ASTN2: variants seen among roughly 807,000 people sequenced by gnomAD.
The protein encoded by ASTN2 is astrotactin-2.
A neutral mutation model predicts 139.8 loss-of-function variants in ASTN2; 54 were observed. The ratio of observed to expected loss-of-function variants is 0.39; its 90% CI spans 0.31 to 0.48. ASTN2 has a LOEUF of 0.48. ASTN2 is among the 20% of genes least tolerant of loss of function. The pLI is 0.95. For missense variants in ASTN2, 1,565 were observed against 1,725.1 expected (o/e 0.91, Z 1.64); for synonymous variants, 756 against 719.5 (o/e 1.05, Z -0.81).
chr9:117,130,562 G>A (rs1008616074), intron 4 of ASTN2, among the ~76,000 whole-genome samples: 1 of 152,092 alleles, frequency 6.6e-6, no homozygotes, highest in African/African-American at 2.4e-5. Flanking sequence ...AGCCCGGGGG[G>A]CTTCCTTTCT....
At chr9:117,293,661 C>T (rs1285401935) in intron 1 of ASTN2, among the ~76,000 whole-genome samples, 1 of 152,158 alleles carries the variant, frequency 6.6e-6, no homozygotes, top group Non-Finnish European at 1.5e-5. Flanking sequence ...CTGGGGTGAT[C>T]TGCTGCCCCA....
intron 2 of ASTN2, among the ~76,000 whole-genome samples, chr9:117,222,536 C>T (rs915956764): frequency 2.6e-5 from 4 of 152,176 alleles, no homozygotes; most frequent in African/African-American, 7.2e-5. Context: ...ACCATGATGG[C>T]ACTGTGGCTG....
intron 12 of ASTN2, among the ~76,000 whole-genome samples, chr9:116,816,075 G>A (rs1831319664): frequency 6.6e-6 from 1 of 151,994 alleles, no homozygotes; most frequent in South Asian, 2.1e-4. Flanking sequence ...CTTTCATTTT[G>A]AGCTTCTGAA....
At chr9:116,908,291 T>C (rs921028276) in intron 10 of ASTN2, among the ~76,000 whole-genome samples, 1 of 152,226 alleles carries the variant, frequency 6.6e-6, no homozygotes, top group African/African-American at 2.4e-5. Flanking sequence ...TTGTTTGCTC[T>C]GTAAGCCCAA....
At position 116,587,428 on chromosome 9, in the gene ASTN2, G is replaced by T. The variant is rs143433174; in HGVS notation, c.3355+30896C>A. 3.9e-4 allele frequency among the ~76,000 whole-genome samples: 59 copies of T among 152,016 alleles called. No homozygotes were observed. In the East Asian group the frequency reaches 0.01, roughly 26 times the overall value. Reference sequence around the variant, plus strand: ...TATGAGAGACCCATTCTTTGATGTGGAGGGTTACCAAGAAGGATCTTGGTA... The same window carrying T: ...TATGAGAGACCCATTCTTTGATGTGTAGGGTTACCAAGAAGGATCTTGGTA... On this transcript the variant is annotated intron_variant, in intron 19 of 22. Coordinates refer to ENST00000313400, the MANE Select transcript of ASTN2 (RefSeq NM_001365068.1).
At position 116,782,838 on chromosome 9, in the gene ASTN2, T is replaced by C. The variant is rs146283956; in HGVS notation, c.2396+22794A>G. ...CATCTCAGCTTAGACATTAATTTCA[T>C]CTACCTGGAGTCCTACACCCCATGT... On this transcript the variant is annotated intron_variant, in intron 13 of 22. Coordinates refer to ENST00000313400, the MANE Select transcript of ASTN2 (RefSeq NM_001365068.1). Among the ~76,000 whole-genome samples the C allele has an allele frequency of 1.7e-3, 266 of 152,290 alleles. 2 individuals carry two copies. Among genetic ancestry groups the C allele is most frequent in the African/African-American group, 3.5e-3 (145 of 41,558 alleles).
chr9:116,794,501 T>C (rs1342288244), intron 13 of ASTN2, among the ~76,000 whole-genome samples: 1 of 152,184 alleles, frequency 6.6e-6, no homozygotes, highest in Non-Finnish European at 1.5e-5. Flanking sequence ...TGGATGAGCT[T>C]GGTTTAGACC....
intron 11 of ASTN2, among the ~76,000 whole-genome samples, chr9:116,837,835 T>C (rs1300559797): frequency 6.6e-6 from 1 of 152,162 alleles, no homozygotes; most frequent in African/African-American, 2.4e-5. Flanking sequence ...GACATCAGTG[T>C]GGCAATTTCA....
intron 10 of ASTN2, among the ~76,000 whole-genome samples, chr9:116,882,090 C>G (rs1008511824): frequency 3.3e-5 from 5 of 152,160 alleles, no homozygotes; most frequent in Admixed American, 2.6e-4. Context: ...TCCACCCATC[C>G]ATTCATCACT....
intron 19 of ASTN2, among the ~76,000 whole-genome samples, chr9:116,608,711 T>C (rs1174032155): frequency 1.3e-5 from 2 of 152,142 alleles, no homozygotes; most frequent in Non-Finnish European, 1.5e-5. Context: ...AGAATCGCAA[T>C]GTCTGGCATC....
chr9:116,450,968 A>C (rs1161888971), intron 20 of ASTN2, among the ~76,000 whole-genome samples: 6 of 152,170 alleles, frequency 3.9e-5, no homozygotes, highest in Non-Finnish European at 5.9e-5. Flanking sequence ...GCTTAGAACA[A>C]AGGTAAAGCA....
At position 116,670,499 on chromosome 9, in the gene ASTN2, T is replaced by C. The variant is rs1463236646; in HGVS notation, c.2807-18706A>G. ...AAAAGCAATAACATTTTCCTATTCT[T>C]CAAAATAAAACAGAAGAATAGATAA... is the stretch of plus-strand genomic sequence containing the variant. On this transcript the variant is annotated intron_variant, in intron 16 of 22. Coordinates refer to ENST00000313400, the MANE Select transcript of ASTN2 (RefSeq NM_001365068.1). Among the ~76,000 whole-genome samples the C allele has an allele frequency of 2.6e-5, 4 of 152,094 alleles. No homozygotes were observed. In the East Asian group the frequency reaches 7.7e-4, roughly 29 times the overall value.
intron 1 of ASTN2, among the ~76,000 whole-genome samples, chr9:117,349,523 C>A (rs994722590): frequency 1.3e-5 from 2 of 152,022 alleles, no homozygotes; most frequent in African/African-American, 4.8e-5. Flanking sequence ...GAGAGGAACA[C>A]AAAGGTTCAG....
intron 7 of ASTN2, among the ~76,000 whole-genome samples, chr9:116,993,876 A>ATATATATATTTTT (rs1030120382): frequency 7.7e-5 from 11 of 142,050 alleles, no homozygotes; most frequent in Admixed American, 1.4e-4. Flanking sequence ...ATATATATAT[A>ATATATATATTTTT]TTTTAACTAT....
intron 10 of ASTN2, among the ~76,000 whole-genome samples, chr9:116,891,451 C>T (rs1341123929): frequency 6.6e-6 from 1 of 152,208 alleles, no homozygotes; most frequent in Non-Finnish European, 1.5e-5. Flanking sequence ...AAGCAGTGAG[C>T]TAGGCACTTA....
intron 19 of ASTN2, among the ~76,000 whole-genome samples, chr9:116,522,407 C>A (rs183233301): frequency 6.6e-6 from 1 of 152,064 alleles, no homozygotes; most frequent in African/African-American, 2.4e-5. Context: ...GGTGAAGTAA[C>A]TCAGGAATAG....
chr9:117,024,893 T>C (rs1588490790), intron 6 of ASTN2, among the ~76,000 whole-genome samples: 1 of 148,462 alleles, frequency 6.7e-6, no homozygotes, highest in East Asian at 1.9e-4. Flanking sequence ...ACTGTTCTCA[T>C]GGTAGTGAAT....
At chr9:116,975,959 G>A (rs188198604) in intron 9 of ASTN2, among the ~76,000 whole-genome samples, 155 bp downstream of exon 9, 64 of 152,264 alleles carry the variant, frequency 4.2e-4, no homozygotes, top group African/African-American at 1.4e-3. Context: ...AGCAACCTGC[G>A]CCATGATGGT....
At chr9:117,240,000 G>C (rs1465086977) in intron 2 of ASTN2, among the ~76,000 whole-genome samples, 1 of 152,142 alleles carries the variant, frequency 6.6e-6, no homozygotes, top group Non-Finnish European at 1.5e-5. Flanking sequence ...CCCATTTTAT[G>C]TCAAAAACAT....
Sources: allele counts gnomAD v4.1 joint callset (sites outside exome capture counted in the v4.1 genomes callset), GRCh38; gene constraint gnomAD v4.1.1; transcripts MANE v1.5; gene names NCBI Gene and HGNC (gene_info 2026-07-23, HGNC 2026-07-21).